SDK1: variants seen among roughly 807,000 people sequenced by gnomAD.
SDK1 encodes protein sidekick-1.
SDK1 carries 157 observed loss-of-function variants against 245.5 expected under a neutral mutation model. That is an observed-to-expected ratio of 0.64 (90% CI 0.56 to 0.73). The LOEUF is 0.73. SDK1 is among the 30% of genes least tolerant of loss of function. The pLI, the probability that SDK1 is intolerant of heterozygous loss-of-function variation, is 0.00. For synonymous variants in SDK1, 1,647 were observed against 1,278.5 expected, an observed-to-expected ratio of 1.29 and a Z score of -6.15; for missense variants, 3,583 against 3,002.3, an observed-to-expected ratio of 1.19 and a Z score of -4.52.
chr7:3,854,147 G>C (rs1280650657), intron 5 of SDK1, among the ~76,000 whole-genome samples: 2 of 152,062 alleles, frequency 1.3e-5, no homozygotes, highest in African/African-American at 4.8e-5. Context: ...GGATATTATA[G>C]ATCTTACTTT....
At chr7:3,795,674 A>G (rs911925437) in intron 4 of SDK1, among the ~76,000 whole-genome samples, 6 of 152,098 alleles carry the variant, frequency 3.9e-5, no homozygotes, top group African/African-American at 1.4e-4. Flanking sequence ...ATTAGAACCC[A>G]TCACGTTAGA....
intron 2 of SDK1, among the ~76,000 whole-genome samples, chr7:3,637,979 G>T (rs1782520787): frequency 6.6e-6 from 1 of 152,234 alleles, no homozygotes; most frequent in South Asian, 2.1e-4. Flanking sequence ...TAAGACTGTT[G>T]CCAGTTCTAG....
intron 4 of SDK1, among the ~76,000 whole-genome samples, chr7:3,776,907 G>C (rs1270890376): frequency 6.6e-6 from 1 of 152,124 alleles, no homozygotes; most frequent in African/African-American, 2.4e-5. Context: ...GTAACATGCA[G>C]AGAACTGTAT....
chr7:3,873,407 A>T (rs913291889), intron 5 of SDK1, among the ~76,000 whole-genome samples: 2 of 152,082 alleles, frequency 1.3e-5, no homozygotes, highest in African/African-American at 4.8e-5. Flanking sequence ...TGAATATCAT[A>T]ACTAGATGTA....
At chr7:3,522,560 C>G (rs1782977335) in intron 1 of SDK1, among the ~76,000 whole-genome samples, 1 of 151,390 alleles carries the variant, frequency 6.6e-6, no homozygotes, top group Admixed American at 6.6e-5. Flanking sequence ...ATTATGGGTC[C>G]TGGCTCATAG....
At chr7:3,492,363 A>G (rs2140115) in intron 1 of SDK1, among the ~76,000 whole-genome samples, 55,411 of 152,096 alleles carry the variant, frequency 0.36, 10,442 homozygotes, top group African/African-American at 0.46. Flanking sequence ...GCATGGTGGC[A>G]GGCACCTGTA....
At chr7:4,085,618 G>T (rs148153235) in intron 22 of SDK1, among the ~76,000 whole-genome samples, 2,329 of 152,218 alleles carry the variant, frequency 0.015, 61 homozygotes, top group African/African-American at 0.045. Flanking sequence ...GCAGTGGCGT[G>T]ATCTCAGATC....
intron 17 of SDK1, among the ~76,000 whole-genome samples, chr7:4,043,378 A>G (rs1022369993): frequency 4.0e-5 from 6 of 151,500 alleles, no homozygotes; most frequent in Admixed American, 3.9e-4. Flanking sequence ...AGTGAGTGTC[A>G]CAGCCAGGGA....
rs760983071 is a variant in SDK1, at chr7:4,012,128, C to G, written c.2313C>G (p.Pro771=). Residue 771 remains proline, a synonymous_variant, in exon 16 of 45, where the codon CCC becomes CCG. Coordinates refer to ENST00000404826, the MANE Select transcript of SDK1 (RefSeq NM_152744.4). ...LMLPEEPPSA[P]PKNIVASGRT... ...TACCTGAAGAACCACCCAGTGCTCC[C>G]CCGAAAAATATAGTGGCCAGTGGGC... The G allele has an allele frequency of 2.7e-5, 43 of 1,575,434 alleles. No individual in the cohort carries two copies. Among genetic ancestry groups the G allele is most frequent in the Non-Finnish European group, 3.5e-5 (41 of 1,161,478 alleles).
At chr7:4,083,062 A>G (rs1584065990) in intron 22 of SDK1, among the ~76,000 whole-genome samples, 1 of 152,142 alleles carries the variant, frequency 6.6e-6, no homozygotes, top group South Asian at 2.1e-4. Flanking sequence ...ATGTCTCTCA[A>G]ATTGTTAAAA....
chr7:3,500,539 T>A (rs758123304), intron 1 of SDK1, among the ~76,000 whole-genome samples: 1 of 152,226 alleles, frequency 6.6e-6, no homozygotes, highest in Non-Finnish European at 1.5e-5. Context: ...ATTATTCTTA[T>A]GTGATCTTGC....
intron 1 of SDK1, among the ~76,000 whole-genome samples, chr7:3,412,813 G>T (rs1376013428): frequency 6.6e-6 from 1 of 152,164 alleles, no homozygotes; most frequent in Non-Finnish European, 1.5e-5. Context: ...ATGCCTGGAA[G>T]ATTTAAGGAA....
rs568905498 is a variant in SDK1, at chr7:3,979,150, C to A, written c.1994+4605C>A. On this transcript the variant is annotated intron_variant, in intron 13 of 44. Transcript: ENST00000404826. ...TACTTGTGTGACTTTGGACAAATCC[C>A]CTCACTTCTCAGCTTCTGCCTCTCA... 1.4e-4 allele frequency among the ~76,000 whole-genome samples: 22 copies of A among 152,226 alleles called. No individual in the cohort carries two copies. The South Asian group carries it at 1.9e-3, about 13-fold the overall frequency.
chr7:3,340,285 G>GTA (rs753935382), intron 1 of SDK1, among the ~76,000 whole-genome samples: 4 of 152,002 alleles, frequency 2.6e-5, no homozygotes, highest in Non-Finnish European at 5.9e-5. Flanking sequence ...GTTTCCCAGT[G>GTA]TATATATATA....
intron 5 of SDK1, among the ~76,000 whole-genome samples, chr7:3,904,394 A>G (rs1035438531): frequency 1.3e-5 from 2 of 152,100 alleles, no homozygotes; most frequent in African/African-American, 4.8e-5. Flanking sequence ...ATAATATAAT[A>G]TAAATATTCT....
intron 25 of SDK1, among the ~76,000 whole-genome samples, chr7:4,122,491 A>G (rs1784131101): frequency 6.6e-6 from 1 of 152,242 alleles, no homozygotes; most frequent in African/African-American, 2.4e-5. Flanking sequence ...CCCAGTGTGC[A>G]GGAGTGCTGA....
intron 1 of SDK1, among the ~76,000 whole-genome samples, chr7:3,381,276 G>A (rs1405281214): frequency 6.6e-6 from 1 of 152,128 alleles, no homozygotes; most frequent in African/African-American, 2.4e-5. Context: ...ACACAGGTTA[G>A]GAGAGGGGGA....
chr7:3,587,674 C>A (rs1287190922), intron 1 of SDK1, among the ~76,000 whole-genome samples: 1 of 152,196 alleles, frequency 6.6e-6, no homozygotes, highest in East Asian at 1.9e-4. Context: ...AGATGCTGAT[C>A]TTCTCCGGAA....
chr7:3,595,854 AAAC>A (rs1233128907), intron 1 of SDK1, among the ~76,000 whole-genome samples: 6 of 143,800 alleles, frequency 4.2e-5, no homozygotes, highest in East Asian at 2.1e-4. Flanking sequence ...AAAAAAAAAA[AAAC>A]AACAACAAAA....
Sources: gnomAD v4.1 joint callset for allele counts (sites outside exome capture counted in the v4.1 genomes callset) on GRCh38, gnomAD v4.1.1 for gene constraint, MANE v1.5 for transcripts, NCBI Gene and HGNC (gene_info 2026-07-23, HGNC 2026-07-21) for gene names.